The following PTAFR variants were observed in gnomAD, a reference collection of about 807,000 sequenced individuals.
PTAFR encodes the protein platelet-activating factor receptor.
In PTAFR, 8 loss-of-function variants were observed where a neutral mutation model predicts 14.7. The observed-to-expected ratio is 0.54, with a 90% CI of 0.32 to 0.98. The LOEUF (loss-of-function observed/expected upper bound fraction) is 0.98. Ranked by LOEUF, PTAFR falls within the 50% of genes least tolerant of loss-of-function variation. The pLI is 0.04. For missense variants in PTAFR, 337 were observed against 451.2 expected (o/e 0.75, Z 2.29); for synonymous variants, 156 against 176.5 (o/e 0.88, Z 0.92).
chr1:28,186,329 T>A (rs753219622), intron 1 of PTAFR, among the ~76,000 whole-genome samples: 182 of 148,170 alleles, frequency 1.2e-3, no homozygotes, highest in Non-Finnish European at 2.3e-3. Context: ...AAAAGTTATT[T>A]AAAAAAAAAA....
rs1214680105 is a variant in PTAFR at position 28,151,174 on chromosome 1, A to C, written c.-38-115T>G. The C allele has an allele frequency of 8.0e-6, 5 of 623,854 alleles. No homozygotes were observed. The East Asian group carries it at 1.2e-4, about 15-fold the overall frequency. 38.6% of individuals were successfully genotyped at this position (623,854 alleles called of 1,614,324 possible). On this transcript the variant is annotated intron_variant, in intron 1 of 1. Coordinates refer to ENST00000373857, the MANE Select transcript of PTAFR (RefSeq NM_000952.5). Reference sequence around the variant, plus strand: ...AATGATGATGTCCCCTCAGAAGTTCATGTTGAATCTTTTTTTTTTTTTCAG... The same window carrying C: ...AATGATGATGTCCCCTCAGAAGTTCCTGTTGAATCTTTTTTTTTTTTTCAG...
At chr1:28,164,320 T>A (rs313149) in intron 1 of PTAFR, among the ~76,000 whole-genome samples, 5,336 of 152,282 alleles carry the variant, frequency 0.035, 298 homozygotes, top group African/African-American at 0.12. Flanking sequence ...TCCAAGTTCA[T>A]CCACAGCTCC....
At chr1:28,184,379 C>T (rs933925211) in intron 1 of PTAFR, among the ~76,000 whole-genome samples, 1 of 152,080 alleles carries the variant, frequency 6.6e-6, no homozygotes, top group South Asian at 2.1e-4. Flanking sequence ...AGGTGTGAGC[C>T]ACCGTACCCG....
At chr1:28,178,586 C>T (rs951562557), upstream of PTAFR, among the ~76,000 whole-genome samples, 4 of 152,028 alleles carry the variant, frequency 2.6e-5, no homozygotes, top group Admixed American at 2.0e-4. Flanking sequence ...TAACATTTGC[C>T]TCAGTCATGT....
chr1:28,181,888 T>C (rs1310575686), intron 1 of PTAFR, among the ~76,000 whole-genome samples: 2 of 151,826 alleles, frequency 1.3e-5, no homozygotes, highest in East Asian at 1.9e-4. Flanking sequence ...AGTGAGAGGA[T>C]CACTTGACAC....
rs1262095363 is a variant in PTAFR, at chr1:28,176,328, A to G, written c.-39+264T>C. Among the ~76,000 whole-genome samples, 6 of 151,702 alleles carry G rather than the reference A, an allele frequency of 4.0e-5. No homozygotes were observed. In the East Asian group the frequency reaches 1.2e-3, roughly 29 times the overall value. On this transcript the variant is annotated intron_variant, in intron 1 of 1. Coordinates refer to ENST00000373857, the MANE Select transcript of PTAFR (RefSeq NM_000952.5). ...CGTGGTAGAGCATGCCTCTAGTCCC[A>G]GATACTCGGGAGGCTGAAGTGGGAG...
chr1:28,176,121 C>T (rs1411289468), intron 1 of PTAFR, among the ~76,000 whole-genome samples: 1 of 152,078 alleles, frequency 6.6e-6, no homozygotes, highest in African/African-American at 2.4e-5. Flanking sequence ...AGACTCTGGG[C>T]CTGAGAAAGG....
intron 1 of PTAFR, among the ~76,000 whole-genome samples, chr1:28,175,022 G>A (rs919972203): frequency 6.6e-6 from 1 of 152,086 alleles, no homozygotes; most frequent in African/African-American, 2.4e-5. Context: ...CGCCTCCCAG[G>A]TTCAAGCAAT....
chr1:28,181,606 G>C (rs1013031424), upstream of PTAFR, among the ~76,000 whole-genome samples: 2 of 152,102 alleles, frequency 1.3e-5, no homozygotes, highest in African/African-American at 4.8e-5. Flanking sequence ...GCCGGGCATA[G>C]TGGTGCATGC....
chr1:28,177,247 G>A (rs1262893450), upstream of PTAFR: 5 of 152,520 alleles, frequency 3.3e-5, no homozygotes, highest in African/African-American at 7.2e-5. Flanking sequence ...TAAAAGAAGG[G>A]GAGTGGAGGA....
chr1:28,160,039 C>T (rs1646305667), intron 1 of PTAFR, among the ~76,000 whole-genome samples: 1 of 151,782 alleles, frequency 6.6e-6, no homozygotes. Flanking sequence ...ATAGCAAGAC[C>T]TCATCACTCC....
chr1:28,151,257 G>A (rs1386092388), intron 1 of PTAFR, among the ~76,000 whole-genome samples, 198 bp from the exon 2 acceptor site: 10 of 151,160 alleles, frequency 6.6e-5, no homozygotes, highest in African/African-American at 7.3e-5. Flanking sequence ...TCAGCTCACC[G>A]CAACCTCCGC....
At chr1:28,159,566 A>G (rs1028510989) in intron 1 of PTAFR, among the ~76,000 whole-genome samples, 1 of 152,114 alleles carries the variant, frequency 6.6e-6, no homozygotes, top group Non-Finnish European at 1.5e-5. Context: ...AGCCAGGCAC[A>G]GTGGCTCACT....
intron 1 of PTAFR, among the ~76,000 whole-genome samples, chr1:28,171,345 T>A (rs1332877380): frequency 6.6e-6 from 1 of 151,224 alleles, no homozygotes; most frequent in Non-Finnish European, 1.5e-5. Flanking sequence ...AAACTTGACC[T>A]CACAGGATAG....
At chr1:28,158,143 C>T (rs1048955454) in intron 1 of PTAFR, among the ~76,000 whole-genome samples, 15 of 152,092 alleles carry the variant, frequency 9.9e-5, no homozygotes, top group Admixed American at 3.9e-4. Context: ...AATAGATAAG[C>T]GGGCGGTGCT....
chr1:28,159,008 A>G (rs1646296104), intron 1 of PTAFR, among the ~76,000 whole-genome samples: 2 of 152,226 alleles, frequency 1.3e-5, no homozygotes, highest in South Asian at 4.1e-4. Flanking sequence ...TCAGATGGAC[A>G]GAATTTGGTA....
chr1:28,160,235 T>C (rs913954199), intron 1 of PTAFR, among the ~76,000 whole-genome samples: 37 of 140,266 alleles, frequency 2.6e-4, no homozygotes, highest in African/African-American at 9.1e-4. Context: ...CAAAAAAGAA[T>C]TAAAAAAAAA....
At chr1:28,151,119 A>C (rs1194576248) in intron 1 of PTAFR, 60 bp from the exon 2 acceptor site, 1 of 950,614 alleles carries the variant, frequency 1.1e-6, no homozygotes, top group African/African-American at 1.7e-5. Flanking sequence ...GTTCCATTTC[A>C]TCAGTTCCAA....
intron 1 of PTAFR, among the ~76,000 whole-genome samples, chr1:28,184,382 C>T (rs1051684090): frequency 5.3e-5 from 8 of 151,972 alleles, no homozygotes; most frequent in Non-Finnish European, 1.0e-4. Context: ...TGTGAGCCAC[C>T]GTACCCGGCC....
Sources: allele counts gnomAD v4.1 joint callset (sites outside exome capture counted in the v4.1 genomes callset), GRCh38; gene constraint gnomAD v4.1.1; transcripts MANE v1.5; gene names NCBI Gene and HGNC (gene_info 2026-07-23, HGNC 2026-07-21).